Variants in HOOK3 observed in about 807,000 individuals in gnomAD.
The protein encoded by HOOK3 is hook microtubule tethering protein 3.
HOOK3 carries 24 observed loss-of-function variants against 116.3 expected under a neutral mutation model. The observed-to-expected ratio is 0.21, with a 90% CI of 0.15 to 0.29. The LOEUF (loss-of-function observed/expected upper bound fraction) is 0.29. HOOK3 is among the 10% of genes least tolerant of loss of function. The pLI, the probability that HOOK3 is intolerant of heterozygous loss-of-function variation, is 1.00. For synonymous variants in HOOK3, 275 were observed against 283.0 expected (o/e 0.97, Z 0.28); for missense variants, 632 against 830.2 (o/e 0.76, Z 2.93).
chr8:42,968,358 C>T, intron 11 of HOOK3, 144 bp downstream of exon 11: 1 of 605,050 alleles, frequency 1.7e-6, no homozygotes, highest in Non-Finnish European at 2.9e-6. Context: ...GAGACTGAGT[C>T]TCACTCTGTC....
chr8:42,998,378 A>G (rs1374825037), intron 16 of HOOK3, among the ~76,000 whole-genome samples: 1 of 152,180 alleles, frequency 6.6e-6, no homozygotes, highest in East Asian at 1.9e-4. Context: ...AATTTTGGTG[A>G]TCAGTCTTTG....
At chr8:43,006,671 A>C in intron 17 of HOOK3, among the ~76,000 whole-genome samples, 1 of 152,166 alleles carries the variant, frequency 6.6e-6, no homozygotes, top group East Asian at 1.9e-4. Flanking sequence ...TAGTTGTATT[A>C]TTCTTTTAAC....
chr8:42,932,537 C>G (rs775500838), intron 4 of HOOK3, among the ~76,000 whole-genome samples: 1 of 152,132 alleles, frequency 6.6e-6, no homozygotes, highest in Non-Finnish European at 1.5e-5. Context: ...GCACCTCTTT[C>G]TCTTCCCTTC....
At position 43,026,523 on chromosome 8, in the gene HOOK3, TG is replaced by T; in HGVS notation, c.*8026del. On this transcript the variant is annotated 3_prime_UTR_variant, in exon 22 of 22. Transcript: ENST00000307602. ...TCTCCTTAAGAAGACTCTTTTATAA[TG>T]TAATACTTAGAAGCCAAATCCTTTC... 4.7e-6 allele frequency: 1 copy of T among 211,774 alleles called. No individual in the cohort carries two copies. Among genetic ancestry groups the T allele is most frequent in the Non-Finnish European group, 9.6e-6 (1 of 104,518 alleles). 13.1% of individuals were successfully genotyped at this position (211,774 alleles called of 1,614,324 possible).
intron 4 of HOOK3, among the ~76,000 whole-genome samples, chr8:42,941,537 A>G (rs1808125747): frequency 6.6e-6 from 1 of 151,208 alleles, no homozygotes; most frequent in African/African-American, 2.4e-5. Flanking sequence ...AAAAAAAAAA[A>G]AAAGAGGCAT....
At chr8:42,963,184 A>G (rs1808568701) in intron 8 of HOOK3, among the ~76,000 whole-genome samples, 1 of 152,064 alleles carries the variant, frequency 6.6e-6, no homozygotes, top group African/African-American at 2.4e-5. Context: ...GCTGAGTAGT[A>G]GTACAGGTTG....
intron 15 of HOOK3, among the ~76,000 whole-genome samples, chr8:42,990,480 C>T (rs147385536): frequency 2.6e-5 from 4 of 151,324 alleles, no homozygotes; most frequent in Admixed American, 6.6e-5. Context: ...GCTGAGATTA[C>T]AGGCATGTCC....
intron 2 of HOOK3, among the ~76,000 whole-genome samples, chr8:42,921,249 T>C (rs1046371017): frequency 2.0e-5 from 3 of 151,972 alleles, no homozygotes; most frequent in Non-Finnish European, 4.4e-5. Context: ...GCTTGGGTGG[T>C]AGGTTCTGGT....
intron 2 of HOOK3, 31 bp from the exon 3 acceptor site, chr8:42,925,526 T>A (rs765668561): frequency 3.4e-6 from 5 of 1,462,174 alleles, no homozygotes; most frequent in Non-Finnish European, 4.7e-6. Context: ...GCTACATGAT[T>A]TTAATATGTA....
intron 17 of HOOK3, among the ~76,000 whole-genome samples, chr8:43,007,642 A>G (rs1809518605): frequency 1.3e-5 from 2 of 152,200 alleles, no homozygotes; most frequent in African/African-American, 4.8e-5. Flanking sequence ...CTAAATGACT[A>G]CTTTTTCAAA....
At chr8:42,932,834 G>A (rs185089386) in intron 4 of HOOK3, among the ~76,000 whole-genome samples, 3 of 152,278 alleles carry the variant, frequency 2.0e-5, no homozygotes, top group East Asian at 3.9e-4. Flanking sequence ...CTACACTGCC[G>A]TTCAGTGAGC....
At chr8:42,920,061 A>G (rs1807627087) in intron 2 of HOOK3, among the ~76,000 whole-genome samples, 1 of 152,152 alleles carries the variant, frequency 6.6e-6, no homozygotes. Flanking sequence ...TGTGAGTGGT[A>G]CAAAAGTTAT....
At chr8:42,907,835 A>AAC (rs1807343132) in intron 2 of HOOK3, among the ~76,000 whole-genome samples, 2 of 150,580 alleles carry the variant, frequency 1.3e-5, no homozygotes, top group Non-Finnish European at 3.0e-5. Context: ...AAAAAAAAAA[A>AAC]AAAACAGTAA....
intron 4 of HOOK3, among the ~76,000 whole-genome samples, chr8:42,931,944 A>G (rs1338886843): frequency 6.6e-6 from 1 of 151,888 alleles, no homozygotes; most frequent in Non-Finnish European, 1.5e-5. Flanking sequence ...TGGTAGAGAC[A>G]GGGTTTCACC....
chr8:42,911,779 A>T (rs976496937), intron 2 of HOOK3, among the ~76,000 whole-genome samples: 5 of 152,220 alleles, frequency 3.3e-5, no homozygotes, highest in Non-Finnish European at 7.3e-5. Context: ...TGAAGACAGT[A>T]TCCACCGAAG....
intron 15 of HOOK3, among the ~76,000 whole-genome samples, chr8:42,991,172 A>G (rs1392345109): frequency 6.6e-6 from 1 of 152,106 alleles, no homozygotes; most frequent in East Asian, 1.9e-4. Flanking sequence ...TGTAAGTGCC[A>G]TGCTGTTTTG....
At chr8:43,000,262 C>T in intron 16 of HOOK3, 1 of 1,286,518 alleles carries the variant, frequency 7.8e-7, no homozygotes, top group Non-Finnish European at 1.0e-6. Flanking sequence ...GGCATGGTTT[C>T]TGCTCAAGGC....
At chr8:42,919,822 A>G (rs917226353) in intron 2 of HOOK3, among the ~76,000 whole-genome samples, 9 of 152,284 alleles carry the variant, frequency 5.9e-5, no homozygotes, top group Admixed American at 4.6e-4. Flanking sequence ...CGCGCCTGCA[A>G]TCCCAGGCAC....
At chr8:42,921,921 A>T (rs1807664666) in intron 2 of HOOK3, among the ~76,000 whole-genome samples, 1 of 152,216 alleles carries the variant, frequency 6.6e-6, no homozygotes, top group Non-Finnish European at 1.5e-5. Flanking sequence ...CAGCTATCTT[A>T]AGTACCATAA....
Sources: allele counts gnomAD v4.1 joint callset (sites outside exome capture counted in the v4.1 genomes callset), GRCh38; gene constraint gnomAD v4.1.1; transcripts MANE v1.5; gene names NCBI Gene and HGNC (gene_info 2026-07-23, HGNC 2026-07-21).